CSMD1: variants seen among roughly 807,000 people sequenced by gnomAD.
CSMD1 encodes the protein CUB and Sushi multiple domains 1, also known as CUB and sushi domain-containing protein 1.
Under a neutral mutation model 417.5 loss-of-function variants are expected in CSMD1, and 213 were observed. The ratio of observed to expected loss-of-function variants is 0.51; its 90% CI spans 0.46 to 0.57. The LOEUF is 0.57. Among genes scored for constraint, CSMD1 ranks in the 20% least tolerant of loss-of-function variants. The probability of loss-of-function intolerance (pLI) is 0.00; values close to 1 mark genes in which losing one functional copy is unlikely to be tolerated. For synonymous variants in CSMD1, 2,862 were observed against 1,736.8 expected, an observed-to-expected ratio of 1.65 and a Z score of -16.11; for missense variants, 6,923 against 4,529.7, an observed-to-expected ratio of 1.53 and a Z score of -15.17.
Position 3,097,907 on chromosome 8 carries a change from T to C in CSMD1, c.6950-870A>G, listed in dbSNP as rs190883909. ...GGAGCCCTGATTCCTAAGGGATGAA[T>C]TAATTGTAAATGTATCATGAAGATA... On this transcript the variant is annotated intron_variant, in intron 46 of 69. Transcript: ENST00000635120. Among the ~76,000 whole-genome samples the C allele has an allele frequency of 3.0e-4, 46 of 152,334 alleles. 2 individuals are homozygous for C. The East Asian group carries it at 8.9e-3, about 29-fold the overall frequency.
intron 3 of CSMD1, among the ~76,000 whole-genome samples, chr8:4,417,525 A>G (rs189089315): frequency 3.9e-5 from 6 of 152,064 alleles, no homozygotes; most frequent in Non-Finnish European, 5.9e-5. Flanking sequence ...TAAATAAAAA[A>G]ACATGAATTT....
intron 5 of CSMD1, among the ~76,000 whole-genome samples, chr8:3,799,408 C>G (rs1460589502): frequency 9.2e-6 from 1 of 109,080 alleles, no homozygotes; most frequent in Admixed American, 1.2e-4. Flanking sequence ...CCCCCCACCC[C>G]ACGACAGGCC....
chr8:3,268,471 A>G (rs970908952), intron 26 of CSMD1, among the ~76,000 whole-genome samples: 8 of 151,526 alleles, frequency 5.3e-5, no homozygotes, highest in African/African-American at 1.9e-4. Context: ...TTGTATTTTT[A>G]GTAGAGACAG....
At chr8:4,320,022 C>T (rs1271305407) in intron 3 of CSMD1, among the ~76,000 whole-genome samples, 2 of 152,016 alleles carry the variant, frequency 1.3e-5, no homozygotes, top group Non-Finnish European at 2.9e-5. Flanking sequence ...CTCAAAGTAC[C>T]ACCTCAACAA....
intron 3 of CSMD1, among the ~76,000 whole-genome samples, chr8:4,343,669 T>A (rs577579203): frequency 2.6e-5 from 4 of 152,260 alleles, no homozygotes; most frequent in Admixed American, 6.5e-5. Context: ...AAAGTCTGTG[T>A]CTGGTGATCT....
chr8:4,154,534 G>C (rs1301593162), intron 3 of CSMD1, among the ~76,000 whole-genome samples: 1 of 152,284 alleles, frequency 6.6e-6, no homozygotes, highest in Non-Finnish European at 1.5e-5. Context: ...AGAAAGAGCA[G>C]AAGCCAGGAC....
chr8:3,539,928 C>A (rs1346530261), intron 10 of CSMD1, among the ~76,000 whole-genome samples: 3 of 152,108 alleles, frequency 2.0e-5, no homozygotes, highest in Admixed American at 6.5e-5. Context: ...ATGGATAGAC[C>A]ATAACTTCTC....
chr8:3,113,832 C>G (rs1024103825), intron 42 of CSMD1, among the ~76,000 whole-genome samples: 1 of 152,226 alleles, frequency 6.6e-6, no homozygotes, highest in Non-Finnish European at 1.5e-5. Context: ...AAGGAAACAT[C>G]TCTTTATTGT....
At chr8:3,936,672 G>A (rs1437112738) in intron 5 of CSMD1, among the ~76,000 whole-genome samples, 1 of 152,164 alleles carries the variant, frequency 6.6e-6, no homozygotes, top group Non-Finnish European at 1.5e-5. Context: ...CTTTAACAAT[G>A]TACCTGGTCA....
intron 3 of CSMD1, among the ~76,000 whole-genome samples, chr8:4,212,723 G>A (rs529327574): frequency 1.6e-4 from 22 of 136,682 alleles, no homozygotes; most frequent in African/African-American, 6.3e-4. Flanking sequence ...ATGAAACATT[G>A]TGAAAAGTTT....
intron 3 of CSMD1, among the ~76,000 whole-genome samples, chr8:4,142,458 G>A (rs577098059): frequency 7.9e-5 from 12 of 151,264 alleles, no homozygotes; most frequent in South Asian, 4.1e-4. Flanking sequence ...ACTCCTCTGA[G>A]AATAATCTAC....
chr8:3,382,158 C>T (rs970223242), intron 18 of CSMD1, among the ~76,000 whole-genome samples: 3 of 151,866 alleles, frequency 2.0e-5, no homozygotes, highest in Admixed American at 2.0e-4. Context: ...GCTCGGGAGG[C>T]TGAGGCAGGG....
chr8:4,604,233 T>G (rs932006271), intron 2 of CSMD1, among the ~76,000 whole-genome samples: 2 of 152,046 alleles, frequency 1.3e-5, no homozygotes, highest in Non-Finnish European at 2.9e-5. Context: ...TAACTTTGAT[T>G]GACTACTACC....
At position 2,965,724 on chromosome 8, in the gene CSMD1, A is replaced by C. The variant is rs1585063416; in HGVS notation, c.9280+51T>G. On this transcript the variant is annotated intron_variant, in intron 59 of 69. Transcript: ENST00000635120. ...TGCAAAATTAAACAAAGCATAATTC[A>C]ATAAAGACTTCTATACACATCTGTA... 5.4e-6 allele frequency: 8 copies of C among 1,494,982 alleles called. No homozygotes were observed. In the East Asian group the frequency reaches 1.9e-4, roughly 36 times the overall value. The allele number at this position is 1,494,982 out of a possible 1,614,324, so 92.6% of individuals were successfully genotyped here.
intron 25 of CSMD1, among the ~76,000 whole-genome samples, chr8:3,304,756 TAACAAAG>T (rs1804693814): frequency 1.3e-5 from 2 of 152,044 alleles, no homozygotes; most frequent in African/African-American, 2.4e-5. Flanking sequence ...ATTAAAATGT[TAACAAAG>T]TATTAGATTC....
chr8:4,183,661 C>G (rs1442765286), intron 3 of CSMD1, among the ~76,000 whole-genome samples: 1 of 152,136 alleles, frequency 6.6e-6, no homozygotes, highest in Non-Finnish European at 1.5e-5. Flanking sequence ...CTTACAAATA[C>G]TTAACAAAAA....
chr8:4,161,350 G>T (rs1797149815), intron 3 of CSMD1, among the ~76,000 whole-genome samples: 1 of 152,186 alleles, frequency 6.6e-6, no homozygotes, highest in Non-Finnish European at 1.5e-5. Flanking sequence ...CGGTCTCTTT[G>T]ACTGTAAAAA....
intron 17 of CSMD1, among the ~76,000 whole-genome samples, chr8:3,388,409 G>A (rs1811142647): frequency 6.6e-6 from 1 of 152,072 alleles, no homozygotes; most frequent in African/African-American, 2.4e-5. Context: ...ATGAGAATAA[G>A]GGAAAAGAAT....
intron 5 of CSMD1, among the ~76,000 whole-genome samples, chr8:3,970,834 C>A (rs979390646): frequency 1.8e-4 from 27 of 152,098 alleles, no homozygotes; most frequent in Admixed American, 1.6e-3. Flanking sequence ...TCACTGCAAC[C>A]TCCGCCTCCC....
Sources: gnomAD v4.1 joint callset for allele counts (sites outside exome capture counted in the v4.1 genomes callset) on GRCh38, gnomAD v4.1.1 for gene constraint, MANE v1.5 for transcripts, NCBI Gene and HGNC (gene_info 2026-07-23, HGNC 2026-07-21) for gene names.